Variants in NEK5 observed in about 807,000 individuals in gnomAD.
NEK5 encodes the protein serine/threonine-protein kinase Nek5.
In NEK5, 88 loss-of-function variants were observed where a neutral mutation model predicts 109.2. The ratio of observed to expected loss-of-function variants is 0.81; its 90% CI spans 0.68 to 0.96. NEK5 has a LOEUF of 0.96. Ranked by LOEUF, NEK5 falls within the 40% of genes least tolerant of loss-of-function variation. The pLI is 0.00. For missense variants in NEK5, 834 were observed against 920.7 expected (o/e 0.91, Z 1.22); for synonymous variants, 283 against 299.9 (o/e 0.94, Z 0.58).
chr13:52,114,439 G>A (rs1292588388), intron 4 of NEK5, among the ~76,000 whole-genome samples: 2 of 152,232 alleles, frequency 1.3e-5, no homozygotes, highest in Non-Finnish European at 2.9e-5. Context: ...ACCCTTGGTT[G>A]CTTCTAATTC....
At chr13:52,125,371 A>G (rs1003695195) in intron 3 of NEK5, among the ~76,000 whole-genome samples, 22 of 152,216 alleles carry the variant, frequency 1.4e-4, no homozygotes, top group South Asian at 8.3e-4. Flanking sequence ...AGACCATCCT[A>G]GCTAACACAG....
At chr13:52,110,094 T>TA (rs1356095917) in intron 7 of NEK5, among the ~76,000 whole-genome samples, 1 of 152,190 alleles carries the variant, frequency 6.6e-6, no homozygotes, top group Non-Finnish European at 1.5e-5. Context: ...TTATGCATAT[T>TA]ACAGTCACAT....
intron 3 of NEK5, among the ~76,000 whole-genome samples, chr13:52,125,994 G>A (rs1033187899): frequency 1.3e-5 from 2 of 152,004 alleles, no homozygotes; most frequent in Non-Finnish European, 2.9e-5. Flanking sequence ...AATTTTTTGT[G>A]GTAAGATAAA....
At chr13:52,110,931 C>T (rs549673382) in intron 5 of NEK5, among the ~76,000 whole-genome samples, 2 of 152,174 alleles carry the variant, frequency 1.3e-5, no homozygotes, top group South Asian at 4.2e-4. Context: ...GTGAATAGTA[C>T]ACAAGCAGCC....
Position 52,127,438 on chromosome 13 carries a change from G to C in NEK5, c.45C>G (p.Phe15Leu), listed in dbSNP as rs754004977. 16 of 1,612,764 alleles carry C rather than the reference G, an allele frequency of 9.9e-6. No homozygotes were observed. The highest frequency in any genetic ancestry group is 1.3e-5 in the African/African-American group (1 of 74,878). The change falls in exon 3 of 24, where the codon TTC (phenylalanine) becomes TTG (leucine). Residue 15 changes from phenylalanine (F) to leucine (L), a missense_variant. By Grantham distance (22) the Phe-to-Leu change is conservative. This residue lies in a region of NEK5 where 777 missense variants were observed against 824.7 expected (regional missense o/e 0.94). Transcript: ENST00000684899. The part of the protein sequence containing the change: ...DVIKAIGQGA[F>L]GKAYLAKGKS... ...TCCCTTTAGCTAAGTATGCTTTCCCGAAGGCACCTTGCCCGATGGCCTTAA... is the reference window on the plus strand; with the variant it reads ...TCCCTTTAGCTAAGTATGCTTTCCCCAAGGCACCTTGCCCGATGGCCTTAA...
intron 19 of NEK5, among the ~76,000 whole-genome samples, chr13:52,074,237 A>G (rs1014456726): frequency 1.3e-5 from 2 of 152,218 alleles, no homozygotes; most frequent in African/African-American, 4.8e-5. Context: ...AAACTATACC[A>G]TAAGACTACA....
At chr13:52,082,348 G>A (rs1411834759) in intron 17 of NEK5, 3 of 1,188,026 alleles carry the variant, frequency 2.5e-6, no homozygotes, top group East Asian at 7.2e-5. Flanking sequence ...CTTAGTATGG[G>A]CCAAATCATT....
rs1435918193 is a variant in NEK5, at chr13:52,080,254, C to T, written c.1572+3006G>A. Among the ~76,000 whole-genome samples, 4 of 141,698 alleles carry T rather than the reference C, an allele frequency of 2.8e-5. No individual in the cohort carries two copies. The East Asian group carries it at 6.1e-4, about 22-fold the overall frequency. 93.0% of individuals were successfully genotyped at this position (141,698 alleles called of 152,430 possible). A position where few individuals can be genotyped will look rare whatever the true frequency, so the allele number is the denominator to read the frequency against. ...CCCCCGCCCGGCCAGCCGCCCCATC[C>T]GGGAGGGAGGTGGGGGGGGGTCAGC... On this transcript the variant is annotated intron_variant, in intron 17 of 23. Transcript: ENST00000684899.
chr13:52,063,961 C>T lies in NEK5; in HGVS notation c.1975+1523G>A, dbSNP rs1954640617. ...CGGGAGGGAGGTGGGGGGGTCAGCC[C>T]CCCGCCCAGCCAGCCACCCCGTCCG... On this transcript the variant is annotated intron_variant, in intron 21 of 23. Transcript: ENST00000684899. 3.4e-5 allele frequency among the ~76,000 whole-genome samples: 5 copies of T among 148,244 alleles called. No homozygotes were observed. In the South Asian group the frequency reaches 1.1e-3, roughly 32 times the overall value.
At chr13:52,089,107 A>AC (rs57597326) in intron 14 of NEK5, 140 bp downstream of exon 14, 68 of 601,008 alleles carry the variant, frequency 1.1e-4, no homozygotes, top group African/African-American at 6.1e-4. Context: ...AACAACAACA[A>AC]AAACAAAAAC....
At chr13:52,087,243 G>T (rs1390350848) in intron 15 of NEK5, 95 bp downstream of exon 15, 4 of 652,058 alleles carry the variant, frequency 6.1e-6, no homozygotes, top group Non-Finnish European at 1.1e-5. Context: ...ATATTCAGGG[G>T]CACTGTAGGA....
At chr13:52,064,333 GCCCC>G (rs1954650010) in intron 21 of NEK5, among the ~76,000 whole-genome samples, 1 of 107,692 alleles carries the variant, frequency 9.3e-6, no homozygotes, top group African/African-American at 3.6e-5. Flanking sequence ...CTGGCCAGCC[GCCCC>G]ATCCAGGAGG....
In NEK5 at chr13:52,127,501, T is replaced by G. The variant is rs1886544; in HGVS notation, c.-19A>C. On this transcript the variant is annotated 5_prime_UTR_variant, in exon 3 of 24. Coordinates refer to ENST00000684899, the MANE Select transcript of NEK5 (RefSeq NM_001365552.1). Reference sequence around the variant, plus strand: ...TATCCATGGTCTCCAATGGGCTGAGTTTCCTGGAATTAGAGTAATGTAAAT... The same window carrying G: ...TATCCATGGTCTCCAATGGGCTGAGGTTCCTGGAATTAGAGTAATGTAAAT... 867,817 of 1,326,806 alleles carry G rather than the reference T, an allele frequency of 0.65. 288,926 individuals are homozygous for G. Among genetic ancestry groups the G allele is most frequent in the Middle Eastern group, 0.69 (3,843 of 5,564 alleles). The allele number at this position is 1,326,806 out of a possible 1,614,324, so 82.2% of individuals were successfully genotyped here.
intron 16 of NEK5, among the ~76,000 whole-genome samples, chr13:52,084,353 G>T (rs1383280370): frequency 6.6e-6 from 1 of 151,926 alleles, no homozygotes; most frequent in Non-Finnish European, 1.5e-5. Flanking sequence ...GAGTAGCTGG[G>T]ACTACAAGCA....
intron 17 of NEK5, 150 bp downstream of exon 17, chr13:52,083,110 C>T (rs1955047361): frequency 5.4e-6 from 3 of 559,984 alleles, no homozygotes; most frequent in Admixed American, 2.9e-5. Context: ...CGCACGACTG[C>T]ACTCCAACCT....
intron 22 of NEK5, among the ~76,000 whole-genome samples, chr13:52,053,253 A>G (rs1436727956): frequency 6.6e-6 from 1 of 152,200 alleles, no homozygotes; most frequent in Non-Finnish European, 1.5e-5. Flanking sequence ...GTGAGCCGAA[A>G]CTCCAACCTG....
At chr13:52,044,806 TGGAATGAAAG>T (rs1287741455) in intron 23 of NEK5, among the ~76,000 whole-genome samples, 1 of 152,140 alleles carries the variant, frequency 6.6e-6, no homozygotes, top group Non-Finnish European at 1.5e-5. Context: ...ATAACCAGGT[TGGAATGAAAG>T]GGACACAGAC....
chr13:52,052,837 C>A (rs1954519788), intron 22 of NEK5, among the ~76,000 whole-genome samples: 1 of 152,156 alleles, frequency 6.6e-6, no homozygotes, highest in South Asian at 2.1e-4. Flanking sequence ...CTTGTCTTGA[C>A]TAAACCTTGA....
At chr13:52,046,434 G>C (rs112679960) in intron 23 of NEK5, among the ~76,000 whole-genome samples, 1 of 150,432 alleles carries the variant, frequency 6.6e-6, no homozygotes, top group Non-Finnish European at 1.5e-5. Context: ...AGCCATGATC[G>C]GGCCACTGCA....
Sources: gnomAD v4.1 joint callset for allele counts (sites outside exome capture counted in the v4.1 genomes callset) on GRCh38, gnomAD v4.1.1 for gene constraint, gnomAD v4.1.1 regional missense constraint, MANE v1.5 for transcripts, NCBI Gene and HGNC (gene_info 2026-07-23, HGNC 2026-07-21) for gene names.